The following FSTL5 variants were observed in gnomAD, a reference collection of about 807,000 sequenced individuals.
FSTL5 encodes the protein follistatin like 5.
A neutral mutation model predicts 89.1 loss-of-function variants in FSTL5; 62 were observed. The observed-to-expected ratio is 0.70, with a 90% CI of 0.57 to 0.86. The LOEUF (loss-of-function observed/expected upper bound fraction) is 0.86. Among genes scored for constraint, FSTL5 ranks in the 40% least tolerant of loss-of-function variants. FSTL5 has a pLI of 0.00. For missense variants in FSTL5, 1,057 were observed against 1,001.6 expected, an observed-to-expected ratio of 1.06 and a Z score of -0.75; for synonymous variants, 383 against 346.2, an observed-to-expected ratio of 1.11 and a Z score of -1.18.
chr4:161,899,930 C>A (rs1733297315), intron 4 of FSTL5, among the ~76,000 whole-genome samples: 1 of 152,154 alleles, frequency 6.6e-6, no homozygotes, highest in Non-Finnish European at 1.5e-5. Context: ...CGTGGTGGCT[C>A]ACTCCTGTAA....
chr4:162,153,581 A>C (rs963251966), intron 1 of FSTL5, among the ~76,000 whole-genome samples: 1 of 145,308 alleles, frequency 6.9e-6, no homozygotes, highest in Non-Finnish European at 1.5e-5. Flanking sequence ...ATTTCTCTTA[A>C]AATAACTATA....
At chr4:161,922,410 A>G (rs2110868426) in intron 3 of FSTL5, among the ~76,000 whole-genome samples, 1 of 152,122 alleles carries the variant, frequency 6.6e-6, no homozygotes, top group East Asian at 1.9e-4. Context: ...TGTACCCCTG[A>G]AATTAAAATT....
intron 3 of FSTL5, among the ~76,000 whole-genome samples, chr4:161,951,888 A>G (rs1734906181): frequency 6.6e-6 from 1 of 152,028 alleles, no homozygotes; most frequent in Non-Finnish European, 1.5e-5. Context: ...ATATCTTAGC[A>G]TAATTCTCAA....
intron 15 of FSTL5, among the ~76,000 whole-genome samples, chr4:161,446,210 T>C (rs988636508): frequency 6.6e-6 from 1 of 152,020 alleles, no homozygotes; most frequent in Non-Finnish European, 1.5e-5. Flanking sequence ...ACAGCCACCA[T>C]CACTAATTTT....
At chr4:161,911,043 T>C (rs1048240347) in intron 4 of FSTL5, among the ~76,000 whole-genome samples, 1 of 152,242 alleles carries the variant, frequency 6.6e-6, no homozygotes, top group Non-Finnish European at 1.5e-5. Context: ...CAAATCACAG[T>C]AATTGGAAAA....
At position 162,137,870 on chromosome 4, in the gene FSTL5, A is replaced by G. The variant is rs1330815710; in HGVS notation, c.-17+25745T>C. Among the ~76,000 whole-genome samples, 7 of 152,156 alleles carry G rather than the reference A, an allele frequency of 4.6e-5. 1 individual carries two copies. Among genetic ancestry groups the G allele is most frequent in the Non-Finnish European group, 7.4e-5 (5 of 67,990 alleles). On this transcript the variant is annotated intron_variant, in intron 1 of 15. Coordinates refer to ENST00000306100, the MANE Select transcript of FSTL5 (RefSeq NM_020116.5). ...AACTAACACATTCATTAACAAAGTA[A>G]GGTCAATTAACCTAAGCTTTTAGGG...
At chr4:161,763,103 T>G (rs941473856) in intron 5 of FSTL5, among the ~76,000 whole-genome samples, 2 of 152,142 alleles carry the variant, frequency 1.3e-5, no homozygotes, top group African/African-American at 4.8e-5. Flanking sequence ...CTCTTTACTG[T>G]TTTTACTATT....
intron 3 of FSTL5, among the ~76,000 whole-genome samples, chr4:162,012,895 ACTT>A (rs1180252872): frequency 2.6e-5 from 4 of 152,126 alleles, no homozygotes; most frequent in African/African-American, 9.7e-5. Context: ...TTAAAATACA[ACTT>A]CTCAGCTGGG....
intron 10 of FSTL5, among the ~76,000 whole-genome samples, chr4:161,524,742 G>A (rs567149269): frequency 5.9e-5 from 9 of 152,186 alleles, no homozygotes; most frequent in Admixed American, 4.6e-4. Context: ...GGCGGATCAC[G>A]AGGTCAGGAG....
In FSTL5 at chr4:161,679,003, A is replaced by T. The variant is rs184869727; in HGVS notation, c.728-22509T>A. On this transcript the variant is annotated intron_variant, in intron 6 of 15. Transcript: ENST00000306100. ...TAAACACTATGTATGTGCTAGATAT[A>T]TTAAATTCTTTATCTTAGTATTGAA... Among the ~76,000 whole-genome samples the T allele has an allele frequency of 6.0e-3, 916 of 151,878 alleles. 9 individuals are homozygous for T. The highest frequency in any genetic ancestry group is 0.045 in the South Asian group (218 of 4,828).
chr4:161,812,586 A>G (rs571759671), intron 4 of FSTL5, among the ~76,000 whole-genome samples: 3 of 152,152 alleles, frequency 2.0e-5, no homozygotes, highest in Non-Finnish European at 4.4e-5. Context: ...CTAAAAAAAT[A>G]GTATTTTGAG....
chr4:161,936,393 C>T (rs1734432871), intron 3 of FSTL5, among the ~76,000 whole-genome samples: 1 of 151,960 alleles, frequency 6.6e-6, no homozygotes. Flanking sequence ...CTTCTTAAAC[C>T]CTTTGAGACA....
intron 3 of FSTL5, among the ~76,000 whole-genome samples, chr4:162,026,304 C>CCTTTTTTTTTTTTTTTTTTTTTTTTTT (rs1737280662): frequency 1.3e-5 from 1 of 79,474 alleles, no homozygotes; most frequent in African/African-American, 4.9e-5. Context: ...TATGTATTTT[C>CCTTTTTTTTTTTTTTTTTTTTTTTTTT]TTTTTTTTTT....
intron 3 of FSTL5, among the ~76,000 whole-genome samples, chr4:162,031,417 T>A (rs1578965441): frequency 6.6e-6 from 1 of 152,326 alleles, no homozygotes; most frequent in East Asian, 1.9e-4. Flanking sequence ...ATTTTCAGAA[T>A]TTTTGTCATT....
intron 7 of FSTL5, among the ~76,000 whole-genome samples, chr4:161,642,176 G>T (rs560008693): frequency 6.6e-4 from 100 of 151,856 alleles, no homozygotes; most frequent in South Asian, 1.5e-3. Context: ...TATTTTTTTT[G>T]TGTGTGTGTA....
chr4:161,862,174 A>G (rs1731937902), intron 4 of FSTL5, among the ~76,000 whole-genome samples: 2 of 152,234 alleles, frequency 1.3e-5, no homozygotes, highest in Admixed American at 6.5e-5. Flanking sequence ...ATACTTCATC[A>G]TTGCTTTTTA....
chr4:161,574,609 G>GA (rs1733147455), intron 8 of FSTL5, among the ~76,000 whole-genome samples: 1 of 151,972 alleles, frequency 6.6e-6, no homozygotes, highest in Non-Finnish European at 1.5e-5. Flanking sequence ...GAGAACATAC[G>GA]GTGTTTGGTT....
intron 4 of FSTL5, among the ~76,000 whole-genome samples, chr4:161,883,805 G>C (rs771911048): frequency 2.6e-5 from 4 of 152,014 alleles, no homozygotes; most frequent in African/African-American, 9.7e-5. Context: ...TGATGTTACC[G>C]GCAGAGCGGA....
intron 8 of FSTL5, among the ~76,000 whole-genome samples, chr4:161,545,023 A>G (rs1160273279): frequency 6.6e-6 from 1 of 152,104 alleles, no homozygotes; most frequent in Non-Finnish European, 1.5e-5. Flanking sequence ...CTCAATTAAA[A>G]GTGAGATGTG....
Sources: allele counts gnomAD v4.1 joint callset (sites outside exome capture counted in the v4.1 genomes callset), GRCh38; gene constraint gnomAD v4.1.1; transcripts MANE v1.5; gene names NCBI Gene and HGNC (gene_info 2026-07-23, HGNC 2026-07-21).